The following DBF4B variants were observed in gnomAD, a reference collection of about 807,000 sequenced individuals.
The protein encoded by DBF4B is protein DBF4 homolog B.
A neutral mutation model predicts 53.4 loss-of-function variants in DBF4B; 49 were observed. That is an observed-to-expected ratio of 0.92 (90% CI 0.73 to 1.16). The LOEUF (loss-of-function observed/expected upper bound fraction) is 1.16, where lower values mean the gene tolerates loss of function less well. DBF4B is among the 50% of genes most tolerant of loss of function. DBF4B has a pLI of 0.00. For missense variants in DBF4B, 692 were observed against 775.0 expected (o/e 0.89, Z 1.27); for synonymous variants, 257 against 288.7 (o/e 0.89, Z 1.11).
At chr17:44,733,844 G>T in intron 6 of DBF4B, 3 of 507,368 alleles carry the variant, frequency 5.9e-6, no homozygotes, top group Non-Finnish European at 1.1e-5. Context: ...GTTCAAAGAT[G>T]AGTTGTATTC....
chr17:44,708,682 G>A lies in DBF4B; in HGVS notation c.-139G>A, dbSNP rs2144723069. Reference sequence around the variant, plus strand: ...GGAAATTTAAACTGAAGCCGCGGCCGAAAACGCCAAGAGATTGATGCTGTA... The same window carrying A: ...GGAAATTTAAACTGAAGCCGCGGCCAAAAACGCCAAGAGATTGATGCTGTA... On this transcript the variant is annotated 5_prime_UTR_variant, in exon 1 of 14. Transcript: ENST00000315005. The A allele has an allele frequency of 9.4e-7, 1 of 1,059,306 alleles. No homozygotes were observed. Among genetic ancestry groups the A allele is most frequent in the Non-Finnish European group, 1.3e-6 (1 of 775,838 alleles). 65.6% of individuals were successfully genotyped at this position (1,059,306 alleles called of 1,614,324 possible).
At chr17:44,714,907 C>G (rs1973198432) in intron 2 of DBF4B, among the ~76,000 whole-genome samples, 1 of 151,836 alleles carries the variant, frequency 6.6e-6, no homozygotes, top group African/African-American at 2.4e-5. Context: ...CAGAGAGGCT[C>G]CCATAGGAAG....
intron 2 of DBF4B, chr17:44,719,862 T>G: frequency 4.5e-6 from 1 of 220,716 alleles, no homozygotes; most frequent in Non-Finnish European, 9.6e-6. Flanking sequence ...CTAAAACATG[T>G]GAGTCCACAG....
chr17:44,715,462 G>A (rs1973241064), intron 2 of DBF4B, among the ~76,000 whole-genome samples: 1 of 152,064 alleles, frequency 6.6e-6, no homozygotes, highest in Admixed American at 6.6e-5. Context: ...CTCCCAAAGT[G>A]CTGGGATTAC....
At chr17:44,747,342 TC>T in intron 11 of DBF4B, 48 bp from the exon 12 acceptor site, 4 of 1,607,822 alleles carry the variant, frequency 2.5e-6, no homozygotes, top group Non-Finnish European at 8.5e-7. Context: ...CGTGTCCCCC[TC>T]CCCCCAGGCC....
At chr17:44,723,549 T>C (rs74803431) in intron 3 of DBF4B, among the ~76,000 whole-genome samples, 179 of 151,802 alleles carry the variant, frequency 1.2e-3, no homozygotes, top group African/African-American at 4.3e-3. Flanking sequence ...ACGTCAGGAG[T>C]TAGGGACTAA....
At chr17:44,741,206 A>T in intron 9 of DBF4B, 130 bp from the exon 10 acceptor site, 1 of 688,526 alleles carries the variant, frequency 1.5e-6, no homozygotes, top group Non-Finnish European at 2.6e-6. Flanking sequence ...GAGTTTTGTT[A>T]TAGAATTTAA....
chr17:44,709,410 C>T (rs1210002712), intron 2 of DBF4B, 44 bp downstream of exon 2: 3 of 1,609,288 alleles, frequency 1.9e-6, no homozygotes, highest in African/African-American at 2.7e-5. Context: ...GAAAATTGCC[C>T]CAGGGTCTCT....
In DBF4B at chr17:44,722,931, A is replaced by G. The variant is rs940754895; in HGVS notation, c.134A>G (p.Lys45Arg). Reference protein sequence around the residue: ...KCQKNSPGARKHPFSGKSFYL... With the variant: ...KCQKNSPGARRHPFSGKSFYL... ...CAGAAGAACTCACCAGGTGCCAGGA[A>G]GCATCCCTTTTCCGGAAAGTCCTTT... Residue 45 changes from lysine to arginine, a missense_variant, in exon 3 of 14, where the codon AAG becomes AGG. By Grantham distance (26) the Lys-to-Arg change is conservative. Coordinates refer to ENST00000315005, the MANE Select transcript of DBF4B (RefSeq NM_145663.3). 6.2e-7 allele frequency: 1 copy of G among 1,614,080 alleles called. No homozygotes were observed. The highest frequency in any genetic ancestry group is 8.5e-7 in the Non-Finnish European group (1 of 1,180,040).
At chr17:44,728,489 C>T (rs1974549493) in intron 3 of DBF4B, among the ~76,000 whole-genome samples, 1 of 152,130 alleles carries the variant, frequency 6.6e-6, no homozygotes, top group African/African-American at 2.4e-5. Context: ...GATTGCCCTA[C>T]TCCTACCCTC....
chr17:44,730,080 G>A lies in DBF4B; in HGVS notation c.401G>A (p.Arg134Gln), dbSNP rs1394213930. Residue 134 changes from arginine (R) to glutamine (Q), a missense_variant, in exon 4 of 14, where the codon CGG (arginine) becomes CAG (glutamine). Coordinates refer to ENST00000315005, the MANE Select transcript of DBF4B (RefSeq NM_145663.3). The part of the protein sequence containing the change: ...DPKGSHPRPS[R>Q]KPVDSVPLSR... ...AAAGGCAGCCACCCCAGGCCTTCAC[G>A]GAAACCCGTTGACTCGGTAAGAACC... The A allele has an allele frequency of 4.3e-6, 7 of 1,612,494 alleles. No individual in the cohort carries two copies. The highest frequency in any genetic ancestry group is 3.3e-5 in the South Asian group (3 of 91,002).
chr17:44,709,157 G>T, intron 1 of DBF4B, 147 bp from the exon 2 acceptor site: 19 of 1,064,386 alleles, frequency 1.8e-5, no homozygotes, highest in Non-Finnish European at 2.4e-5. Flanking sequence ...GGCGGGAGTC[G>T]CGGGATGTAG....
chr17:44,733,978 G>A (rs1356212408), intron 6 of DBF4B, 112 bp from the exon 7 acceptor site: 11 of 837,236 alleles, frequency 1.3e-5, no homozygotes, highest in Middle Eastern at 2.5e-4. Context: ...GGCAAGGCTG[G>A]AGTGATTCAG....
intron 2 of DBF4B, among the ~76,000 whole-genome samples, chr17:44,721,857 A>G (rs1973877679): frequency 6.6e-6 from 1 of 151,474 alleles, no homozygotes; most frequent in Non-Finnish European, 1.5e-5. Flanking sequence ...AACCCTGGCC[A>G]GGCATGGTGG....
rs540405520 is a variant in DBF4B at position 44,734,616 on chromosome 17, C to T, written c.630+453C>T. ...TTGTTTGTTTTCCATTCTTTGCTGG[C>T]GTTAGAACTGTGTGTACTACATCAA... is the stretch of plus-strand genomic sequence containing the variant. On this transcript the variant is annotated intron_variant, in intron 7 of 13. Transcript: ENST00000315005. 2.6e-5 allele frequency among the ~76,000 whole-genome samples: 4 copies of T among 152,324 alleles called. No homozygotes were observed. In the East Asian group the frequency reaches 5.8e-4, roughly 22 times the overall value.
intron 12 of DBF4B, 121 bp downstream of exon 12, chr17:44,747,636 A>C: frequency 7.5e-7 from 1 of 1,331,546 alleles, no homozygotes; most frequent in Non-Finnish European, 1.0e-6. Flanking sequence ...CTCTTTTCTC[A>C]CCTTCCTTTC....
rs747627318 is a variant in DBF4B, at chr17:44,750,587, C to T, written c.1190-8C>T. 6.2e-7 allele frequency: 1 copy of T among 1,602,012 alleles called. No individual in the cohort carries two copies. The highest frequency in any genetic ancestry group is 1.1e-5 in the South Asian group (1 of 90,068). On this transcript the variant is annotated splice_polypyrimidine_tract_variant and splice_region_variant and intron_variant, in intron 13 of 13. Coordinates refer to ENST00000315005, the MANE Select transcript of DBF4B (RefSeq NM_145663.3). The stretch of plus-strand genomic sequence containing the variant: ...ATGCCATATGTCGGTCCTTGATCTG[C>T]CCTCCAGTGACCCAAGGCAGGGCTG...
chr17:44,748,728 T>C, intron 13 of DBF4B: 1 of 1,376,306 alleles, frequency 7.3e-7, no homozygotes, highest in Non-Finnish European at 9.6e-7. Context: ...CCAGTGGCAG[T>C]GCTAAGAAGA....
chr17:44,731,237 TG>T (rs2144949288), intron 5 of DBF4B: 1 of 504,650 alleles, frequency 2.0e-6, no homozygotes, highest in East Asian at 3.8e-5. Flanking sequence ...CCTCCAACTC[TG>T]GAGCCTACCA....
Sources: gnomAD v4.1 joint callset for allele counts (sites outside exome capture counted in the v4.1 genomes callset) on GRCh38, gnomAD v4.1.1 for gene constraint, MANE v1.5 for transcripts, NCBI Gene and HGNC (gene_info 2026-07-23, HGNC 2026-07-21) for gene names.